Variants in PLCH2 observed in about 807,000 individuals in gnomAD.
The protein encoded by PLCH2 is 1-phosphatidylinositol 4,5-bisphosphate phosphodiesterase eta-2.
PLCH2 carries 98 observed loss-of-function variants against 134.7 expected under a neutral mutation model. That is an observed-to-expected ratio of 0.73 (90% confidence interval 0.62 to 0.86). The LOEUF (loss-of-function observed/expected upper bound fraction) is 0.86, where lower values mean the gene tolerates loss of function less well. PLCH2 is among the 40% of genes least tolerant of loss of function. The pLI, the probability that PLCH2 is intolerant of heterozygous loss-of-function variation, is 0.00. For synonymous variants in PLCH2, 974 were observed against 827.5 expected, an observed-to-expected ratio of 1.18 and a Z score of -3.04; for missense variants, 1,994 against 1,986.6, an observed-to-expected ratio of 1.00 and a Z score of -0.07.
chr1:2,469,765 A>T (rs1332985849), intron 1 of PLCH2, among the ~76,000 whole-genome samples: 2 of 152,200 alleles, frequency 1.3e-5, no homozygotes, highest in East Asian at 3.9e-4. Context: ...TGTGTGGGAA[A>T]GGCGAGTGGG....
rs940162784 is a variant in PLCH2 at position 2,502,229 on chromosome 1, C to A, written c.2779C>A (p.Arg927=). 10 of 1,540,694 alleles carry A rather than the reference C, an allele frequency of 6.5e-6. No homozygotes were observed. In the Admixed American group the frequency reaches 1.4e-4, roughly 21 times the overall value. The change falls in exon 21 of 22, where the codon CGG becomes AGG. Residue 927 remains arginine, a synonymous_variant. Coordinates refer to ENST00000378486, the MANE Select transcript of PLCH2 (RefSeq NM_014638.4). The part of the protein sequence containing the change: ...ARPSVSQRIL[R]RTASAPTKSQ... ...GCCCTCCGTTAGCCAGCGGATCCTG[C>A]GGCGCACGGCCAGCGCCCCGACCAA...
chr1:2,470,566 C>A (rs143581233), intron 1 of PLCH2, among the ~76,000 whole-genome samples: 1 of 152,212 alleles, frequency 6.6e-6, no homozygotes, highest in Non-Finnish European at 1.5e-5. Flanking sequence ...AGCCCCGTGC[C>A]GGGACGGATG....
chr1:2,437,553 G>A (rs1639485875), intron 2 of PLCH2, among the ~76,000 whole-genome samples: 1 of 151,796 alleles, frequency 6.6e-6, no homozygotes, highest in Non-Finnish European at 1.5e-5. Context: ...CCTGTCCCAT[G>A]TCCCACTCTT....
In PLCH2 at chr1:2,504,691, G is replaced by A. The variant is rs1169373397; in HGVS notation, c.3729G>A (p.Val1243=). The change falls in exon 22 of 22, where the codon GTG becomes GTA. Residue 1243 remains valine, a synonymous_variant. Transcript: ENST00000378486. The part of the protein sequence containing the change: ...FRPPWGCLSL[V]GVQDCPVAAK... The stretch of plus-strand genomic sequence containing the variant: ...CTCCCTGGGGCTGCCTTTCCCTGGT[G>A]GGCGTGCAGGACTGCCCCGTGGCTG... The A allele has an allele frequency of 1.4e-5, 22 of 1,612,596 alleles. No individual in the cohort carries two copies. In the Middle Eastern group the frequency reaches 6.6e-4, roughly 48 times the overall value.
intron 13 of PLCH2, 28 bp from the exon 14 acceptor site, chr1:2,496,579 G>A (rs1163098202): frequency 1.3e-6 from 2 of 1,583,846 alleles, no homozygotes. Context: ...TGGACGGGAG[G>A]GGTTCTGACC....
chr1:2,417,868 C>T, the PLCH2 span, among the ~76,000 whole-genome samples: 1 of 152,236 alleles, frequency 6.6e-6, no homozygotes, highest in South Asian at 2.1e-4. Context: ...CCTCAGCTTC[C>T]TCACCTGTCA....
the PLCH2 span, among the ~76,000 whole-genome samples, chr1:2,419,248 C>T: frequency 6.6e-6 from 1 of 152,208 alleles, no homozygotes; most frequent in East Asian, 1.9e-4. Flanking sequence ...ACAGTGGAGG[C>T]CTTGGGCTGT....
intron 2 of PLCH2, chr1:2,478,964 T>C: frequency 3.1e-6 from 1 of 321,090 alleles, no homozygotes; most frequent in Non-Finnish European, 5.8e-6. Context: ...CCCACAGAGG[T>C]ATGCTGATGG....
chr1:2,419,666 C>G, the PLCH2 span, among the ~76,000 whole-genome samples: 3 of 152,086 alleles, frequency 2.0e-5, no homozygotes, highest in African/African-American at 4.8e-5. Context: ...CAGGGATCCC[C>G]GTGCCTGACC....
chr1:2,494,687 C>CTCCCCAACCTG (rs1553253840), intron 11 of PLCH2, among the ~76,000 whole-genome samples, 169 bp from the exon 12 acceptor site: 2 of 152,178 alleles, frequency 1.3e-5, no homozygotes, highest in African/African-American at 4.8e-5. Flanking sequence ...GCCACGGGGG[C>CTCCCCAACCTG]TCCCCAACCT....
rs1229219777 is a variant in PLCH2 at position 2,498,363 on chromosome 1, C to T, written c.2225-160C>T. The stretch of plus-strand genomic sequence containing the variant: ...TGATCCATACTGGGCCAGGTGCACC[C>T]CGAGGTGCCCCCCTGGACCACTGCC... On this transcript the variant is annotated intron_variant, in intron 16 of 21. Transcript: ENST00000378486. This position sits in a 1 kb window ranked among gnomAD's most constrained non-coding sequence, Gnocchi z 5.4. 6 of 722,130 alleles carry T rather than the reference C, an allele frequency of 8.3e-6. No homozygotes were observed. Among genetic ancestry groups the T allele is most frequent in the Non-Finnish European group, 1.3e-5 (6 of 445,144 alleles). The allele number at this position is 722,130 out of a possible 1,614,324, so 44.7% of individuals were successfully genotyped here.
intron 2 of PLCH2, among the ~76,000 whole-genome samples, chr1:2,452,312 C>T (rs1434109275): frequency 6.6e-6 from 1 of 152,196 alleles, no homozygotes; most frequent in Non-Finnish European, 1.5e-5. Flanking sequence ...CCGGCCCTGC[C>T]TGGCAGGTAG....
Position 2,448,893 on chromosome 1 carries a change from C to T in PLCH2, c.115+18264C>T, listed in dbSNP as rs964765227. Among the ~76,000 whole-genome samples the T allele has an allele frequency of 2.1e-4, 32 of 152,318 alleles. No homozygotes were observed. Among genetic ancestry groups the T allele is most frequent in the African/African-American group, 7.5e-4 (31 of 41,570 alleles). ...CCAACCACAAGTCACATCACTGCTG[C>T]CCCGGAAGGCACCTGGGGCCTCCAG... On this transcript the variant is annotated intron_variant, in intron 2 of 3. Coordinates refer to the PLCH2 transcript ENST00000609981. The surrounding 1 kb of genome is among the most constrained non-coding windows in gnomAD (Gnocchi z 4.0).
chr1:2,463,459 G>A (rs1172673267), upstream of PLCH2, among the ~76,000 whole-genome samples: 1 of 152,242 alleles, frequency 6.6e-6, no homozygotes, highest in Non-Finnish European at 1.5e-5. Flanking sequence ...GAACGGGGCT[G>A]CAGCCGAGAA....
At chr1:2,487,854 C>T (rs1642368963) in intron 8 of PLCH2, 136 bp downstream of exon 8, 2 of 813,960 alleles carry the variant, frequency 2.5e-6, no homozygotes, top group Non-Finnish European at 3.8e-6. Context: ...TGGTTTCATT[C>T]TGGCATCTCT....
intron 6 of PLCH2, 32 bp from the exon 7 acceptor site, chr1:2,487,141 T>C: frequency 6.5e-7 from 1 of 1,538,106 alleles, no homozygotes; most frequent in Non-Finnish European, 8.8e-7. Context: ...GGTGGTGGGC[T>C]GACATGGCCC....
chr1:2,474,259 G>A (rs745658192), upstream of PLCH2, among the ~76,000 whole-genome samples: 13 of 152,200 alleles, frequency 8.5e-5, no homozygotes, highest in African/African-American at 1.2e-4. Context: ...CCCCTGCCAC[G>A]TCTCTTGGCC....
chr1:2,503,498 A>C, intron 21 of PLCH2: 1 of 648,756 alleles, frequency 1.5e-6, no homozygotes, highest in East Asian at 2.7e-5. Flanking sequence ...CCCCACTAGA[A>C]GGGTGTCTCC....
At chr1:2,424,985 C>CA (rs1638709043), upstream of PLCH2, among the ~76,000 whole-genome samples, 1 of 151,084 alleles carries the variant, frequency 6.6e-6, no homozygotes, top group Non-Finnish European at 1.5e-5. Context: ...GACTCCGTCT[C>CA]AAAAAAACAA....
Sources: gnomAD v4.1 joint callset for allele counts (sites outside exome capture counted in the v4.1 genomes callset) on GRCh38, gnomAD v4.1.1 for gene constraint, Gnocchi (gnomAD v3.1) non-coding constraint, MANE v1.5 for transcripts, NCBI Gene and HGNC (gene_info 2026-07-23, HGNC 2026-07-21) for gene names.